GRB14: variants seen among roughly 807,000 people sequenced by gnomAD.
GRB14 encodes the protein growth factor receptor bound protein 14.
Under a neutral mutation model 69.1 loss-of-function variants are expected in GRB14, and 38 were observed. The ratio of observed to expected loss-of-function variants is 0.55; its 90% CI spans 0.42 to 0.72. GRB14 has a LOEUF of 0.72. Ranked by LOEUF, GRB14 falls within the 30% of genes least tolerant of loss-of-function variation. The pLI is 0.00. For synonymous variants in GRB14, 247 were observed against 241.3 expected, an observed-to-expected ratio of 1.02 and a Z score of -0.22; for missense variants, 666 against 666.1, an observed-to-expected ratio of 1.00 and a Z score of 0.00.
At chr2:164,575,691 A>G (rs1689234841) in intron 2 of GRB14, among the ~76,000 whole-genome samples, 1 of 152,142 alleles carries the variant, frequency 6.6e-6, no homozygotes. Context: ...GGGAGGATGA[A>G]GAGGAAACAT....
At chr2:164,500,742 C>T (rs921007489) in intron 9 of GRB14, among the ~76,000 whole-genome samples, 1 of 152,088 alleles carries the variant, frequency 6.6e-6, no homozygotes, top group Non-Finnish European at 1.5e-5. Flanking sequence ...TATTCCCAAC[C>T]AAACTCACTC....
intron 2 of GRB14, among the ~76,000 whole-genome samples, chr2:164,568,689 A>C (rs1689047998): frequency 6.6e-6 from 1 of 152,202 alleles, no homozygotes; most frequent in South Asian, 2.1e-4. Context: ...TTTTTTTCCA[A>C]AACAGTGCAA....
Position 164,621,194 on chromosome 2 carries a change from A to G in GRB14, c.116T>C (p.Leu39Pro). The G allele has an allele frequency of 8.0e-7, 1 of 1,243,508 alleles. No individual in the cohort carries two copies. The highest frequency in any genetic ancestry group is 1.0e-6 in the Non-Finnish European group (1 of 988,860). 77.0% of individuals were successfully genotyped at this position (1,243,508 alleles called of 1,614,324 possible). A position where few individuals can be genotyped will look rare whatever the true frequency, so the allele number is the denominator to read the frequency against. Residue 39 changes from leucine to proline, a missense_variant, in exon 1 of 14, where the codon CTG becomes CCG. Transcript: ENST00000263915. The surrounding 1 kb of genome is among the most constrained non-coding windows in gnomAD (Gnocchi z 6.0). ...CGCGTGCAGCCAGGGGGCCGGCGCC[A>G]GGTCGTGGGCGTCGCCCCTCCCCTG... ...AAQGRGDAHDLAPAPWLHARA... is the reference protein window; with the variant it reads ...AAQGRGDAHDPAPAPWLHARA...
chr2:164,547,591 G>C, intron 3 of GRB14, 69 bp downstream of exon 3: 1 of 1,166,550 alleles, frequency 8.6e-7, no homozygotes. Context: ...AAGAATTATT[G>C]GTGTTCAAGA....
At chr2:164,617,322 T>C (rs150719192) in intron 2 of GRB14, among the ~76,000 whole-genome samples, 14 of 152,204 alleles carry the variant, frequency 9.2e-5, no homozygotes, top group African/African-American at 3.4e-4. Flanking sequence ...GGGTACAGTG[T>C]TCTTTGAGAA....
chr2:164,513,437 A>G (rs1205853840), intron 6 of GRB14, among the ~76,000 whole-genome samples: 1 of 152,230 alleles, frequency 6.6e-6, no homozygotes, highest in Non-Finnish European at 1.5e-5. Flanking sequence ...AAATCCAATG[A>G]CAAGTGTTGT....
At chr2:164,517,252 C>G (rs753464172) in intron 6 of GRB14, among the ~76,000 whole-genome samples, 1 of 152,046 alleles carries the variant, frequency 6.6e-6, no homozygotes, top group African/African-American at 2.4e-5. Flanking sequence ...TTCACTATCA[C>G]GAGAATAGCA....
In GRB14 at chr2:164,508,796, T is replaced by G. The variant is rs148544083; in HGVS notation, c.873A>C (p.Ser291=). 214 of 1,592,496 alleles carry G rather than the reference T, an allele frequency of 1.3e-4. No individual in the cohort carries two copies. In the African/African-American group the frequency reaches 2.6e-3, roughly 19 times the overall value. Residue 291 remains serine, a synonymous_variant, in exon 7 of 14, where the codon TCA becomes TCC. Coordinates refer to ENST00000263915, the MANE Select transcript of GRB14 (RefSeq NM_004490.3). ...SEFGNSDIYV[S]LAGKKKHGAP... The stretch of plus-strand genomic sequence containing the variant: ...CTCCATGTTTTTTTTTGCCTGCCAG[T>G]GACACATAAATATCACTATTGCCAA...
chr2:164,522,691 CA>C (rs1408861769), intron 5 of GRB14, among the ~76,000 whole-genome samples: 1 of 152,078 alleles, frequency 6.6e-6, no homozygotes, highest in East Asian at 1.9e-4. Flanking sequence ...TCTTCTTTGT[CA>C]TCTGTGGTTC....
chr2:164,555,854 C>T (rs1400582230), intron 2 of GRB14, among the ~76,000 whole-genome samples: 1 of 151,676 alleles, frequency 6.6e-6, no homozygotes, highest in Non-Finnish European at 1.5e-5. Context: ...TTCTACAGCT[C>T]TTTGAAAGTT....
intron 2 of GRB14, among the ~76,000 whole-genome samples, chr2:164,574,456 G>C (rs1689200209): frequency 6.6e-6 from 1 of 151,882 alleles, no homozygotes; most frequent in Admixed American, 6.6e-5. Flanking sequence ...GGCCAGGATG[G>C]TCTCAATCTT....
intron 2 of GRB14, among the ~76,000 whole-genome samples, chr2:164,586,994 C>T (rs557372869): frequency 2.0e-4 from 31 of 152,142 alleles, no homozygotes; most frequent in African/African-American, 7.5e-4. Flanking sequence ...GAATAAAAGA[C>T]CGTAGGCATG....
At chr2:164,549,696 C>G (rs1688479367) in intron 2 of GRB14, among the ~76,000 whole-genome samples, 1 of 151,776 alleles carries the variant, frequency 6.6e-6, no homozygotes, top group Non-Finnish European at 1.5e-5. Flanking sequence ...AACCCCATCT[C>G]CACTAAAAAT....
intron 2 of GRB14, among the ~76,000 whole-genome samples, chr2:164,602,013 A>G (rs1368092823): frequency 2.0e-5 from 3 of 152,150 alleles, no homozygotes; most frequent in Non-Finnish European, 4.4e-5. Flanking sequence ...ACCATGTAAG[A>G]GTAATGTATC....
intron 6 of GRB14, among the ~76,000 whole-genome samples, chr2:164,510,460 C>T (rs16849557): frequency 0.1 from 15,165 of 152,034 alleles, 1,058 homozygotes; most frequent in East Asian, 0.31. Flanking sequence ...TATTCATGAC[C>T]ACATCTTTAA....
intron 2 of GRB14, among the ~76,000 whole-genome samples, chr2:164,614,869 G>A (rs1690249588): frequency 6.6e-6 from 1 of 152,146 alleles, no homozygotes; most frequent in Admixed American, 6.5e-5. Context: ...AATGATATAA[G>A]AGGCCCTTTA....
chr2:164,556,198 A>G (rs887081328), intron 2 of GRB14, among the ~76,000 whole-genome samples: 22 of 152,166 alleles, frequency 1.4e-4, no homozygotes, highest in African/African-American at 4.8e-4. Flanking sequence ...TTAAAAATAA[A>G]GACTGCTCCA....
rs891151172 is a variant in GRB14, at chr2:164,509,597, C to A, written c.817-745G>T. 1.6e-4 allele frequency among the ~76,000 whole-genome samples: 25 copies of A among 152,010 alleles called. 1 individual carries two copies. Among genetic ancestry groups the A allele is most frequent in the Admixed American group, 1.3e-3 (20 of 15,246 alleles). On this transcript the variant is annotated intron_variant, in intron 6 of 13. Transcript: ENST00000263915. ...TTAATTCTGAGGTTGAATGTATAAT[C>A]AAATCTGACCAAAATGCATTTGTTC...
chr2:164,533,224 CTTTTTTTTTTTTT>C (rs537913705), intron 3 of GRB14, among the ~76,000 whole-genome samples: 6 of 80,348 alleles, frequency 7.5e-5, no homozygotes, highest in Non-Finnish European at 1.2e-4. Context: ...GTTTCCAATT[CTTTTTTTTTTTTT>C]TTTTTTTTTT....
Sources: allele counts gnomAD v4.1 joint callset (sites outside exome capture counted in the v4.1 genomes callset), GRCh38; gene constraint gnomAD v4.1.1; non-coding constraint Gnocchi (gnomAD v3.1); transcripts MANE v1.5; gene names NCBI Gene and HGNC (gene_info 2026-07-23, HGNC 2026-07-21).